The following TENM3 variants were observed in gnomAD, a reference collection of about 807,000 sequenced individuals.
TENM3 encodes the protein teneurin transmembrane protein 3.
Under a neutral mutation model 255.1 loss-of-function variants are expected in TENM3, and 63 were observed. The ratio of observed to expected loss-of-function variants is 0.25; its 90% CI spans 0.20 to 0.30. The LOEUF is 0.30. Among genes scored for constraint, TENM3 ranks in the 10% least tolerant of loss-of-function variants. The pLI is 1.00. For synonymous variants in TENM3, 1,306 were observed against 1,322.3 expected (o/e 0.99, Z 0.27); for missense variants, 2,929 against 3,461.1 (o/e 0.85, Z 3.86).
At chr4:181,626,434 T>C in the TENM3 span, among the ~76,000 whole-genome samples, 2 of 152,176 alleles carry the variant, frequency 1.3e-5, no homozygotes, top group African/African-American at 4.8e-5. Context: ...AGAGGTTGCA[T>C]TGGCTCATGG....
At chr4:182,158,843 G>A (rs1750897913) in intron 1 of TENM3, among the ~76,000 whole-genome samples, 1 of 152,130 alleles carries the variant, frequency 6.6e-6, no homozygotes, top group Non-Finnish European at 1.5e-5. Context: ...CCTGAATACC[G>A]ATACTAAATT....
At chr4:181,566,967 C>T in the TENM3 span, among the ~76,000 whole-genome samples, 3 of 152,264 alleles carry the variant, frequency 2.0e-5, no homozygotes, top group African/African-American at 2.4e-5. Context: ...TGCCATCTTC[C>T]GAGACTCCAA....
At chr4:181,544,408 T>TAAAAAAAAAAAAAAAAAA in the TENM3 span, among the ~76,000 whole-genome samples, 43 of 68,656 alleles carry the variant, frequency 6.3e-4, 4 homozygotes, top group East Asian at 1.8e-3. Flanking sequence ...CCTTCAGGAT[T>TAAAAAAAAAAAAAAAAAA]AAAAAAAAAA....
intron 12 of TENM3, among the ~76,000 whole-genome samples, chr4:182,699,051 T>G (rs933451196): frequency 1.2e-4 from 19 of 152,366 alleles, no homozygotes; most frequent in African/African-American, 4.6e-4. Context: ...ACGCTTCACA[T>G]ACTCTTCACG....
the TENM3 span, among the ~76,000 whole-genome samples, chr4:181,605,519 A>AAAGG: frequency 1.3e-4 from 3 of 22,626 alleles, no homozygotes; most frequent in South Asian, 5.7e-3. Context: ...AGAAAGAAAG[A>AAAGG]AAGAAAGAAA....
intron 2 of TENM3, among the ~76,000 whole-genome samples, chr4:182,326,913 T>G (rs2150523487): frequency 6.6e-6 from 1 of 152,232 alleles, no homozygotes; most frequent in Admixed American, 6.5e-5. Context: ...GTAGGCATAT[T>G]TAGGAAATAA....
chr4:181,551,094 T>C, the TENM3 span, among the ~76,000 whole-genome samples: 3 of 152,180 alleles, frequency 2.0e-5, no homozygotes, highest in African/African-American at 4.8e-5. Flanking sequence ...ATTTTCTTTT[T>C]TTCCCCCACC....
the TENM3 span, among the ~76,000 whole-genome samples, chr4:181,872,459 C>G: frequency 6.6e-6 from 1 of 152,038 alleles, no homozygotes; most frequent in Non-Finnish European, 1.5e-5. Flanking sequence ...TTTTCCTGAT[C>G]CTCCCCCTCC....
chr4:182,092,222 T>C, the TENM3 span, among the ~76,000 whole-genome samples: 2 of 152,148 alleles, frequency 1.3e-5, no homozygotes, highest in Non-Finnish European at 2.9e-5. Context: ...ACACCTGTAG[T>C]CTCAGCTTCT....
At chr4:182,147,057 CT>C (rs1195645113) in intron 1 of TENM3, among the ~76,000 whole-genome samples, 1 of 152,100 alleles carries the variant, frequency 6.6e-6, no homozygotes, top group Non-Finnish European at 1.5e-5. Context: ...AGAGTGAAAA[CT>C]TTTAAACTTA....
intron 12 of TENM3, among the ~76,000 whole-genome samples, chr4:182,700,832 A>G (rs920266671): frequency 6.6e-6 from 1 of 152,136 alleles, no homozygotes; most frequent in African/African-American, 2.4e-5. Context: ...CTTATATACT[A>G]AATTAGTTTT....
At chr4:182,191,242 C>G (rs1417614353) in intron 1 of TENM3, among the ~76,000 whole-genome samples, 2 of 152,174 alleles carry the variant, frequency 1.3e-5, no homozygotes, top group African/African-American at 2.4e-5. Context: ...GGGTAGCATT[C>G]AAAGCTCTCT....
At chr4:181,749,086 T>G in the TENM3 span, among the ~76,000 whole-genome samples, 1 of 152,096 alleles carries the variant, frequency 6.6e-6, no homozygotes, top group East Asian at 1.9e-4. Flanking sequence ...GCTTCCTAAG[T>G]GGTTATTCTC....
At chr4:182,075,094 T>C in the TENM3 span, among the ~76,000 whole-genome samples, 4 of 150,804 alleles carry the variant, frequency 2.7e-5, no homozygotes, top group South Asian at 8.5e-4. Flanking sequence ...ATTGTTACCA[T>C]GCAAGAAGCA....
At chr4:182,548,763 G>T (rs1176144084) in intron 3 of TENM3, 7 of 151,716 alleles carry the variant, frequency 4.6e-5, no homozygotes, top group African/African-American at 7.3e-5. Flanking sequence ...ACAGTCTTGG[G>T]ATCTGTCTTA....
chr4:182,398,866 T>C (rs1769035418), intron 3 of TENM3, among the ~76,000 whole-genome samples: 1 of 152,240 alleles, frequency 6.6e-6, no homozygotes. Context: ...TCAGAAGACC[T>C]GAACTGTGAT....
chr4:181,545,883 T>C, the TENM3 span, among the ~76,000 whole-genome samples: 1 of 152,316 alleles, frequency 6.6e-6, no homozygotes, highest in East Asian at 1.9e-4. Flanking sequence ...ATTTTTCACG[T>C]GTCTGCAGCC....
chr4:181,944,670 T>C, the TENM3 span, among the ~76,000 whole-genome samples: 3 of 152,022 alleles, frequency 2.0e-5, no homozygotes, highest in African/African-American at 7.2e-5. Context: ...CTCTCCAACA[T>C]AGGGACAATG....
intron 3 of TENM3, among the ~76,000 whole-genome samples, chr4:182,405,479 A>C (rs1433477959): frequency 6.6e-6 from 1 of 152,246 alleles, no homozygotes; most frequent in South Asian, 2.1e-4. Flanking sequence ...TGACAAATGG[A>C]TAGTACCCAT....
Sources: gnomAD v4.1 joint callset for allele counts (sites outside exome capture counted in the v4.1 genomes callset) on GRCh38, gnomAD v4.1.1 for gene constraint, MANE v1.5 for transcripts, NCBI Gene and HGNC (gene_info 2026-07-23, HGNC 2026-07-21) for gene names.